Variants in BCL2L13 observed in about 807,000 individuals in gnomAD.
BCL2L13 encodes bcl-2-like protein 13.
Under a neutral mutation model 25.8 loss-of-function variants are expected in BCL2L13, and 13 were observed. The ratio of observed to expected loss-of-function variants is 0.50; its 90% CI spans 0.33 to 0.80. BCL2L13 has a LOEUF of 0.80. BCL2L13 is among the 30% of genes least tolerant of loss of function. The pLI is 0.02. For missense variants in BCL2L13, 504 were observed against 574.9 expected, an observed-to-expected ratio of 0.88 and a Z score of 1.26; for synonymous variants, 244 against 230.3, an observed-to-expected ratio of 1.06 and a Z score of -0.54.
At chr22:17,662,645 C>T (rs1208943279) in intron 2 of BCL2L13, among the ~76,000 whole-genome samples, 5 of 151,968 alleles carry the variant, frequency 3.3e-5, no homozygotes, top group South Asian at 4.2e-4. Flanking sequence ...GGCGAAACCC[C>T]GCCTCTACAA....
chr22:17,639,002 G>A (rs1056912301), intron 1 of BCL2L13, 116 bp downstream of exon 1: 1 of 845,716 alleles, frequency 1.2e-6, no homozygotes, highest in Non-Finnish European at 1.6e-6. Context: ...TTCCGACGAC[G>A]CGTGAGTTTG....
chr22:17,727,572 T>C lies in BCL2L13; in HGVS notation c.*38T>C, dbSNP rs1569025963. On this transcript the variant is annotated 3_prime_UTR_variant, in exon 7 of 7. Coordinates refer to ENST00000317582, the MANE Select transcript of BCL2L13 (RefSeq NM_015367.4). ...AAGAGAAAGACAGAAGGATGTAAGGTTGGAGTTGTATTGGCTGGAATTTGA... is the reference window on the plus strand; with the variant it reads ...AAGAGAAAGACAGAAGGATGTAAGGCTGGAGTTGTATTGGCTGGAATTTGA... 1 of 1,606,308 alleles carries C rather than the reference T, an allele frequency of 6.2e-7. No individual in the cohort carries two copies. The highest frequency in any genetic ancestry group is 1.7e-5 in the Admixed American group (1 of 59,692).
chr22:17,699,689 G>A (rs1320551028), intron 5 of BCL2L13, among the ~76,000 whole-genome samples: 1 of 152,134 alleles, frequency 6.6e-6, no homozygotes, highest in African/African-American at 2.4e-5. Context: ...CATGTGAATC[G>A]TGGGTTCTTC....
At chr22:17,662,253 C>T (rs1372821746) in intron 2 of BCL2L13, among the ~76,000 whole-genome samples, 7 of 152,056 alleles carry the variant, frequency 4.6e-5, no homozygotes, top group African/African-American at 9.7e-5. Flanking sequence ...CCAAGGCGGG[C>T]GGATCACGAG....
chr22:17,654,308 T>TA (rs201822710), intron 1 of BCL2L13, among the ~76,000 whole-genome samples: 2,253 of 152,246 alleles, frequency 0.015, 57 homozygotes, highest in African/African-American at 0.05. Context: ...TTTACCATGT[T>TA]ACCATGTTGT....
intron 1 of BCL2L13, among the ~76,000 whole-genome samples, chr22:17,654,508 C>T (rs5746453): frequency 0.52 from 79,238 of 151,310 alleles, 21,401 homozygotes; most frequent in East Asian, 0.84. Flanking sequence ...TTGTAAACTC[C>T]GCCTTCCGGG....
chr22:17,689,243 A>C, intron 4 of BCL2L13, 101 bp downstream of exon 4: 2 of 991,482 alleles, frequency 2.0e-6, no homozygotes, highest in Admixed American at 5.9e-5. Flanking sequence ...GAACAGTGTC[A>C]CTTCTTTTCT....
At chr22:17,630,381 G>C (rs1234089658) in intron 1 of BCL2L13, among the ~76,000 whole-genome samples, 1 of 148,826 alleles carries the variant, frequency 6.7e-6, no homozygotes, top group Non-Finnish European at 1.5e-5. Flanking sequence ...CCGGGATCAA[G>C]TGATTCTCCT....
chr22:17,638,876 G>C lies in BCL2L13; in HGVS notation c.-61G>C, dbSNP rs1247858177. 8.1e-6 allele frequency: 10 copies of C among 1,232,564 alleles called. No individual in the cohort carries two copies. The highest frequency in any genetic ancestry group is 4.2e-5 in the Admixed American group (1 of 23,714). 76.4% of individuals were successfully genotyped at this position (1,232,564 alleles called of 1,614,324 possible). A position where few individuals can be genotyped will look rare whatever the true frequency, so the allele number is the denominator to read the frequency against. On this transcript the variant is annotated 5_prime_UTR_variant, in exon 1 of 7. Coordinates refer to ENST00000317582, the MANE Select transcript of BCL2L13 (RefSeq NM_015367.4). Reference sequence around the variant, plus strand: ...CTCTTTCATCTCTTCTGGGGCAGGGGCCAGGGCCAGGTGAGGGGAGTGGGG... The same window carrying C: ...CTCTTTCATCTCTTCTGGGGCAGGGCCCAGGGCCAGGTGAGGGGAGTGGGG...
chr22:17,636,125 A>G (rs1244191189), upstream of BCL2L13, among the ~76,000 whole-genome samples: 4 of 149,086 alleles, frequency 2.7e-5, no homozygotes, highest in East Asian at 8.6e-4. Flanking sequence ...GGAGTTCGAG[A>G]GCAGCCTGGC....
Position 17,660,626 on chromosome 22 carries a change from C to T in BCL2L13, c.121+4794C>T, listed in dbSNP as rs1026874305. ...TTTTCGTAGAGATCAGGATTTGCCA[C>T]ATTGGCCAGGCTGGTCTTGAACTCC... On this transcript the variant is annotated intron_variant, in intron 2 of 6. Coordinates refer to ENST00000317582, the MANE Select transcript of BCL2L13 (RefSeq NM_015367.4). 3.4e-4 allele frequency among the ~76,000 whole-genome samples: 50 copies of T among 145,478 alleles called. 7 individuals are homozygous for T. The highest frequency in any genetic ancestry group is 4.1e-4 in the Admixed American group (6 of 14,508).
Position 17,694,991 on chromosome 22 carries a change from G to C in BCL2L13, c.387-1150G>C, listed in dbSNP as rs554689140. ...AATCCCTCAATCTCAGTGACTTCAC[G>C]AGAGAAAAGTTCCTTTGGCGTCATG... On this transcript the variant is annotated intron_variant, in intron 4 of 6. Coordinates refer to ENST00000317582, the MANE Select transcript of BCL2L13 (RefSeq NM_015367.4). Among the ~76,000 whole-genome samples the C allele has an allele frequency of 6.9e-4, 105 of 152,162 alleles. 1 individual carries two copies. Among genetic ancestry groups the C allele is most frequent in the Non-Finnish European group, 2.9e-5 (2 of 68,032 alleles).
intron 2 of BCL2L13, among the ~76,000 whole-genome samples, chr22:17,679,640 G>GA (rs936651834): frequency 2.7e-5 from 4 of 150,934 alleles, no homozygotes; most frequent in African/African-American, 9.7e-5. Flanking sequence ...GAAAGTAGAA[G>GA]AAAAAAAAAT....
chr22:17,706,326 C>G (rs1380142315), intron 6 of BCL2L13, among the ~76,000 whole-genome samples: 2 of 150,738 alleles, frequency 1.3e-5, no homozygotes, highest in Non-Finnish European at 2.9e-5. Flanking sequence ...CTCTTTCTAC[C>G]TTGTTTTTTT....
rs199828692 is a variant in BCL2L13 at position 17,728,472 on chromosome 22, C to T, written c.*938C>T. The T allele has an allele frequency of 1.3e-5, 2 of 152,322 alleles. No homozygotes were observed. Among genetic ancestry groups the T allele is most frequent in the East Asian group, 3.9e-4 (2 of 5,174 alleles). The allele number at this position is 152,322 out of a possible 1,614,324, so 9.4% of individuals were successfully genotyped here. On this transcript the variant is annotated 3_prime_UTR_variant, in exon 7 of 7. Coordinates refer to ENST00000317582, the MANE Select transcript of BCL2L13 (RefSeq NM_015367.4). ...CTTCTGAGGTCTCTTCAGCCCTTTT[C>T]GCTAGTGGTCACCCACCACCATGGT... is the stretch of plus-strand genomic sequence containing the variant.
At position 17,728,424 on chromosome 22, in the gene BCL2L13, G is replaced by C. The variant is rs1422128794; in HGVS notation, c.*890G>C. ...GAGAGACACATGTGTCTTGTGTCAA[G>C]GCAGGAGGATAACCTGGATGACCTT... On this transcript the variant is annotated 3_prime_UTR_variant, in exon 7 of 7. Transcript: ENST00000317582. 2.6e-5 allele frequency: 4 copies of C among 152,218 alleles called. No homozygotes were observed. The highest frequency in any genetic ancestry group is 2.9e-5 in the Non-Finnish European group (2 of 68,048). The allele number at this position is 152,218 out of a possible 1,614,324, so 9.4% of individuals were successfully genotyped here. A position where few individuals can be genotyped will look rare whatever the true frequency, so the allele number is the denominator to read the frequency against.
intron 1 of BCL2L13, among the ~76,000 whole-genome samples, chr22:17,649,014 C>T (rs1291848718): frequency 6.6e-6 from 1 of 152,118 alleles, no homozygotes; most frequent in Non-Finnish European, 1.5e-5. Context: ...AGGCTCACTG[C>T]AGCCTCAATC....
At chr22:17,715,158 ATATATATATATATTTTTTTTTTTTTT>A (rs2060901999) in intron 6 of BCL2L13, among the ~76,000 whole-genome samples, 1 of 5,432 alleles carries the variant, frequency 1.8e-4, no homozygotes, top group Non-Finnish European at 3.0e-4. Flanking sequence ...ATATATATAT[ATATATATATATATTTTTTTTTTTTTT>A]TTTTTTTTTT....
chr22:17,675,405 G>A (rs1215375905), intron 2 of BCL2L13, among the ~76,000 whole-genome samples: 2 of 152,216 alleles, frequency 1.3e-5, no homozygotes, highest in Non-Finnish European at 2.9e-5. Flanking sequence ...TCTAAAACGT[G>A]TAGGTGTTCT....
Sources: allele counts gnomAD v4.1 joint callset (sites outside exome capture counted in the v4.1 genomes callset), GRCh38; gene constraint gnomAD v4.1.1; transcripts MANE v1.5; gene names NCBI Gene and HGNC (gene_info 2026-07-23, HGNC 2026-07-21).